The following USP12 variants were observed in gnomAD, a reference collection of about 807,000 sequenced individuals.
USP12 encodes ubiquitin specific peptidase 12.
Under a neutral mutation model 45.5 loss-of-function variants are expected in USP12, and 19 were observed. The ratio of observed to expected loss-of-function variants is 0.42; its 90% CI spans 0.29 to 0.61. The LOEUF is 0.61. Ranked by LOEUF, USP12 falls within the 20% of genes least tolerant of loss-of-function variation. The pLI, the probability that USP12 is intolerant of heterozygous loss-of-function variation, is 0.22. For missense variants in USP12, 242 were observed against 447.7 expected (o/e 0.54, Z 4.15); for synonymous variants, 149 against 148.8 (o/e 1.00, Z -0.01).
At chr13:27,117,612 C>G (rs1294458261) in intron 1 of USP12, 3 of 261,736 alleles carry the variant, frequency 1.1e-5, no homozygotes, top group Admixed American at 4.1e-5. Context: ...ACATAAAACA[C>G]CAACGTGTGT....
intron 1 of USP12, among the ~76,000 whole-genome samples, chr13:27,137,149 A>G (rs188266899): frequency 6.6e-6 from 1 of 152,246 alleles, no homozygotes; most frequent in Non-Finnish European, 1.5e-5. Context: ...GTAGTCTTCC[A>G]TATTACAAAA....
At chr13:27,114,964 C>T (rs1437325147) in intron 2 of USP12, among the ~76,000 whole-genome samples, 1 of 152,132 alleles carries the variant, frequency 6.6e-6, no homozygotes, top group African/African-American at 2.4e-5. Context: ...CAGCCTGCTG[C>T]ATGGAATTAA....
At chr13:27,110,010 G>C (rs1188705954) in intron 2 of USP12, among the ~76,000 whole-genome samples, 1 of 151,318 alleles carries the variant, frequency 6.6e-6, no homozygotes, top group East Asian at 1.9e-4. Flanking sequence ...GACTTTGTTA[G>C]GTGTGATCAT....
intron 4 of USP12, among the ~76,000 whole-genome samples, chr13:27,093,861 T>C (rs1045471061): frequency 2.0e-5 from 3 of 152,152 alleles, no homozygotes; most frequent in African/African-American, 7.2e-5. Context: ...AGGAAATAAG[T>C]TATCAAGCCT....
rs1050425787 is a variant in USP12 at position 27,129,250 on chromosome 13, C to T, written c.49-12654G>A. On this transcript the variant is annotated intron_variant, in intron 1 of 8. Transcript: ENST00000282344. The surrounding 1 kb of genome is among the most constrained non-coding windows in gnomAD (Gnocchi z 4.0). Reference sequence around the variant, plus strand: ...TTAAGTGGAAAGAACAAAGCAGCATCTCTGCCAGTCCTGTTTTCTAGACCT... The same window carrying T: ...TTAAGTGGAAAGAACAAAGCAGCATTTCTGCCAGTCCTGTTTTCTAGACCT... Among the ~76,000 whole-genome samples, 2 of 151,376 alleles carry T rather than the reference C, an allele frequency of 1.3e-5. No homozygotes were observed. The highest frequency in any genetic ancestry group is 4.8e-5 in the African/African-American group (2 of 41,288).
At chr13:27,166,320 G>A (rs969558150) in intron 1 of USP12, among the ~76,000 whole-genome samples, 1 of 152,120 alleles carries the variant, frequency 6.6e-6, no homozygotes, top group African/African-American at 2.4e-5. Context: ...ATTATACAAA[G>A]TATACAAATG....
At chr13:27,144,141 T>A (rs1368735382) in intron 1 of USP12, among the ~76,000 whole-genome samples, 1 of 151,646 alleles carries the variant, frequency 6.6e-6, no homozygotes, top group East Asian at 1.9e-4. Flanking sequence ...GAGCTGAAGT[T>A]GGAGCCGAGA....
rs71083634 is a variant in USP12 at position 27,155,066 on chromosome 13, CTTTTTTTTTTTTTTTT to C, written c.48+16510_48+16525del. On this transcript the variant is annotated intron_variant, in intron 1 of 8. Transcript: ENST00000282344. ...TTTTTTTTTTTTCTGATGTCCACAA[CTTTTTTTTTTTTTTTT>C]TTTTTTTTTTTTTTTTTGAGACGGA... Among the ~76,000 whole-genome samples, 7 of 57,614 alleles carry C rather than the reference CTTTTTTTTTTTTTTTT, an allele frequency of 1.2e-4. No individual in the cohort carries two copies. In the Admixed American group the frequency reaches 1.3e-3, roughly 10 times the overall value. The allele number at this position is 57,614 out of a possible 152,430, so 37.8% of individuals were successfully genotyped here.
chr13:27,067,557 G>A lies in USP12; in HGVS notation c.*1726C>T, dbSNP rs1206471378. 1.3e-5 allele frequency: 2 copies of A among 152,102 alleles called. No homozygotes were observed. The highest frequency in any genetic ancestry group is 2.9e-5 in the Non-Finnish European group (2 of 68,008). 9.4% of individuals were successfully genotyped at this position (152,102 alleles called of 1,614,324 possible). A position where few individuals can be genotyped will look rare whatever the true frequency, so the allele number is the denominator to read the frequency against. ...ATTATAATTTTCTCCCAGAACATCT[G>A]TTTAAGCAGCCCAATTAAGTGACTC... On this transcript the variant is annotated 3_prime_UTR_variant, in exon 9 of 9. Coordinates refer to ENST00000282344, the MANE Select transcript of USP12 (RefSeq NM_182488.4).
At chr13:27,131,825 C>T (rs931495273) in intron 1 of USP12, among the ~76,000 whole-genome samples, 4 of 152,176 alleles carry the variant, frequency 2.6e-5, no homozygotes, top group East Asian at 3.8e-4. Context: ...TACCCATTAA[C>T]GGTTTTAGTT....
chr13:27,089,736 G>C (rs1371900073), intron 6 of USP12, 147 bp downstream of exon 6: 1 of 703,050 alleles, frequency 1.4e-6, no homozygotes. Flanking sequence ...CATTTACCTA[G>C]TAATACTTAA....
At chr13:27,115,748 T>C (rs7998459) in intron 2 of USP12, among the ~76,000 whole-genome samples, 115,332 of 152,052 alleles carry the variant, frequency 0.76, 46,225 homozygotes, top group South Asian at 0.92. Context: ...ATGTGCTTTT[T>C]CCCCACATTT....
intron 1 of USP12, among the ~76,000 whole-genome samples, chr13:27,120,642 T>C (rs1875942391): frequency 6.6e-6 from 1 of 151,152 alleles, no homozygotes; most frequent in Admixed American, 6.6e-5. Context: ...AAAAAAGTTC[T>C]GCTCTGGAGC....
intron 6 of USP12, among the ~76,000 whole-genome samples, chr13:27,085,334 C>T (rs1046897435): frequency 1.3e-5 from 2 of 152,068 alleles, no homozygotes; most frequent in Non-Finnish European, 2.9e-5. Flanking sequence ...ATGTGTGCCA[C>T]CACGCCTGGC....
chr13:27,086,642 T>C (rs894207274), intron 6 of USP12, among the ~76,000 whole-genome samples: 2 of 152,156 alleles, frequency 1.3e-5, no homozygotes, highest in Admixed American at 1.3e-4. Flanking sequence ...TCACATGTGA[T>C]TACTTGTATA....
chr13:27,102,150 A>T (rs1055436722), intron 3 of USP12, among the ~76,000 whole-genome samples: 3 of 152,226 alleles, frequency 2.0e-5, no homozygotes, highest in Admixed American at 6.5e-5. Flanking sequence ...CAGAGCACAC[A>T]ACTACAGATG....
intron 6 of USP12, among the ~76,000 whole-genome samples, chr13:27,085,160 TTTTCTTTC>T (rs141485053): frequency 5.0e-4 from 74 of 147,864 alleles, no homozygotes; most frequent in Middle Eastern, 3.5e-3. Context: ...ATGTTTTCTT[TTTTCTTTC>T]TTTCTTTCTT....
chr13:27,148,330 T>C lies in USP12; in HGVS notation c.48+23262A>G, dbSNP rs1360061815. ...TTATAAAGGACACTATAAATGTGTA[T>C]TTTTTCTTTCTTCTCTTAATTGATT... On this transcript the variant is annotated intron_variant, in intron 1 of 8. Coordinates refer to ENST00000282344, the MANE Select transcript of USP12 (RefSeq NM_182488.4). Among the ~76,000 whole-genome samples the C allele has an allele frequency of 2.0e-5, 3 of 151,592 alleles. No individual in the cohort carries two copies. In the Admixed American group the frequency reaches 2.0e-4, roughly 10 times the overall value.
At chr13:27,082,160 C>G (rs1272760511) in intron 6 of USP12, among the ~76,000 whole-genome samples, 1 of 152,194 alleles carries the variant, frequency 6.6e-6, no homozygotes, top group African/African-American at 2.4e-5. Context: ...CCTCTTTTTC[C>G]AATAGAAGAC....
Sources: gnomAD v4.1 joint callset for allele counts (sites outside exome capture counted in the v4.1 genomes callset) on GRCh38, gnomAD v4.1.1 for gene constraint, Gnocchi (gnomAD v3.1) non-coding constraint, MANE v1.5 for transcripts, NCBI Gene and HGNC (gene_info 2026-07-23, HGNC 2026-07-21) for gene names.